The following DLGAP1 variants were observed in gnomAD, a reference collection of about 807,000 sequenced individuals.
DLGAP1 encodes disks large-associated protein 1.
A neutral mutation model predicts 90.8 loss-of-function variants in DLGAP1; 11 were observed. The observed-to-expected ratio is 0.12, with a 90% CI of 0.08 to 0.20. The LOEUF (loss-of-function observed/expected upper bound fraction) is 0.20, where lower values mean the gene tolerates loss of function less well. Among genes scored for constraint, DLGAP1 ranks in the 10% least tolerant of loss-of-function variants. The pLI is 1.00. For missense variants in DLGAP1, 1,050 were observed against 1,333.8 expected, an observed-to-expected ratio of 0.79 and a Z score of 3.31; for synonymous variants, 558 against 540.7, an observed-to-expected ratio of 1.03 and a Z score of -0.44.
At position 4,393,840 on chromosome 18, in the gene DLGAP1, A is replaced by C. The variant is rs568791063; in HGVS notation, c.-267+61166T>G. Among the ~76,000 whole-genome samples the C allele has an allele frequency of 1.1e-4, 16 of 152,274 alleles. No homozygotes were observed. The East Asian group carries it at 3.1e-3, about 30-fold the overall frequency. On this transcript the variant is annotated intron_variant, in intron 1 of 12. Coordinates refer to ENST00000315677, the MANE Select transcript of DLGAP1 (RefSeq NM_004746.4). ...CATCAGGCATTAGATTCTCATAAGA[A>C]GCGTTCAACCTAGATCCCTCGCATG...
chr18:4,002,273 A>T lies in DLGAP1; in HGVS notation c.-73+2843T>A, dbSNP rs138710368. Among the ~76,000 whole-genome samples the T allele has an allele frequency of 8.8e-3, 1,340 of 152,258 alleles. 15 individuals are homozygous for T. The highest frequency in any genetic ancestry group is 0.031 in the African/African-American group (1,284 of 41,556). ...TCTATTTCTGTTGTACTTTATTAGT[A>T]AGCATCTACCTGCCTGTCTATGTTA... On this transcript the variant is annotated intron_variant, in intron 3 of 12. Coordinates refer to ENST00000315677, the MANE Select transcript of DLGAP1 (RefSeq NM_004746.4).
chr18:3,559,741 G>A (rs1445045595), intron 9 of DLGAP1, among the ~76,000 whole-genome samples: 3 of 150,558 alleles, frequency 2.0e-5, no homozygotes, highest in African/African-American at 4.9e-5. Flanking sequence ...TTCTCCCTCA[G>A]CCTCCCGAGT....
At chr18:3,509,620 C>T (rs2050428325) in intron 10 of DLGAP1, among the ~76,000 whole-genome samples, 1 of 152,196 alleles carries the variant, frequency 6.6e-6, no homozygotes, top group East Asian at 1.9e-4. Flanking sequence ...GAGCACTTGC[C>T]TCTCTGGAAA....
At chr18:4,181,639 G>T (rs566490945) in intron 1 of DLGAP1, among the ~76,000 whole-genome samples, 1 of 152,058 alleles carries the variant, frequency 6.6e-6, no homozygotes, top group Admixed American at 6.6e-5. Context: ...ATATCTGGAC[G>T]ACAATCAACC....
At chr18:3,720,888 C>CAAAATAAAAAAAAAAA (rs2061949188) in intron 7 of DLGAP1, among the ~76,000 whole-genome samples, 1 of 50,312 alleles carries the variant, frequency 2.0e-5, no homozygotes. Context: ...CTTGTCTCTA[C>CAAAATAAAAAAAAAAA]AAAAAAAAAA....
intron 1 of DLGAP1, among the ~76,000 whole-genome samples, chr18:4,409,448 C>CT (rs2082730858): frequency 6.6e-6 from 1 of 152,124 alleles, no homozygotes; most frequent in Non-Finnish European, 1.5e-5. Context: ...CTTCTTATCT[C>CT]TATCACAGAA....
At chr18:4,065,025 T>C (rs1001582372) in intron 2 of DLGAP1, among the ~76,000 whole-genome samples, 1 of 152,104 alleles carries the variant, frequency 6.6e-6, no homozygotes. Flanking sequence ...TGGCTTAACA[T>C]ATGCAAATCA....
At chr18:3,767,111 G>C (rs775554501) in intron 5 of DLGAP1, among the ~76,000 whole-genome samples, 5 of 152,162 alleles carry the variant, frequency 3.3e-5, no homozygotes, top group Middle Eastern at 3.4e-3. Flanking sequence ...CAGGTATAAA[G>C]GGATACTATG....
chr18:3,880,031 C>T lies in DLGAP1; in HGVS notation c.38G>A (p.Gly13Glu), dbSNP rs776239442. 28 of 1,606,436 alleles carry T rather than the reference C, an allele frequency of 1.7e-5. No individual in the cohort carries two copies. The highest frequency in any genetic ancestry group is 1.9e-4 in the Middle Eastern group (1 of 5,230). ...GTCACAGGCCGAGTCGCAGGTGACCCCGTGGTGATGGCTGCGGCTGCCTGA... is the reference window on the plus strand; with the variant it reads ...GTCACAGGCCGAGTCGCAGGTGACCTCGTGGTGATGGCTGCGGCTGCCTGA... ...GLSGSRSHHH[G>E]VTCDSACDSL... Residue 13 changes from glycine to glutamate, a missense_variant, in exon 4 of 13, where the codon GGG becomes GAG. Gly to Glu is a moderately conservative substitution (Grantham distance 98). Coordinates refer to ENST00000315677, the MANE Select transcript of DLGAP1 (RefSeq NM_004746.4).
chr18:4,420,729 A>G (rs946230496), intron 1 of DLGAP1, among the ~76,000 whole-genome samples: 69 of 152,310 alleles, frequency 4.5e-4, no homozygotes, highest in East Asian at 3.9e-4. Flanking sequence ...TGGATAGTTT[A>G]TTGGCACCTC....
intron 6 of DLGAP1, among the ~76,000 whole-genome samples, chr18:3,741,224 A>C (rs2062994041): frequency 1.1e-5 from 1 of 93,500 alleles, no homozygotes. Context: ...CCACCACATC[A>C]CCATCACCAC....
chr18:3,576,006 T>C (rs2055104162), intron 8 of DLGAP1, among the ~76,000 whole-genome samples: 1 of 152,316 alleles, frequency 6.6e-6, no homozygotes. Flanking sequence ...ATTTATTTAT[T>C]ATATCAGACA....
chr18:3,659,394 TACACACACACACACACACACAC>T (rs71366699), intron 7 of DLGAP1, among the ~76,000 whole-genome samples: 28 of 102,124 alleles, frequency 2.7e-4, no homozygotes, highest in Non-Finnish European at 4.6e-4. Flanking sequence ...CATACATTTA[TACACACACACACACACACACAC>T]ACACACACAC....
At position 3,880,110 on chromosome 18, in the gene DLGAP1, G is replaced by A; in HGVS notation, c.-42C>T. The stretch of plus-strand genomic sequence containing the variant: ...CCGCCAGGGTCATGGACACCCGGAA[G>A]TCAGGCTCCAGACCCGTCTTGGGCA... On this transcript the variant is annotated 5_prime_UTR_variant, in exon 4 of 13. Coordinates refer to ENST00000315677, the MANE Select transcript of DLGAP1 (RefSeq NM_004746.4). The A allele has an allele frequency of 6.3e-7, 1 of 1,577,830 alleles. No homozygotes were observed. The highest frequency in any genetic ancestry group is 8.6e-7 in the Non-Finnish European group (1 of 1,163,140).
chr18:3,943,959 C>T (rs1371555603), intron 3 of DLGAP1, among the ~76,000 whole-genome samples: 3 of 152,262 alleles, frequency 2.0e-5, no homozygotes, highest in Admixed American at 1.3e-4. Context: ...CAACTCAACC[C>T]TGTGAACGCC....
Position 4,450,202 on chromosome 18 carries a change from G to T in DLGAP1, c.-267+4804C>A, listed in dbSNP as rs2144902830. Reference sequence around the variant, plus strand: ...GAAACTGCAGCATGTGTTTTGTAAAGAAATCTTAGTGATATCTAGCAGGGA... The same window carrying T: ...GAAACTGCAGCATGTGTTTTGTAAATAAATCTTAGTGATATCTAGCAGGGA... On this transcript the variant is annotated intron_variant, in intron 1 of 12. Transcript: ENST00000315677. Among the ~76,000 whole-genome samples the T allele has an allele frequency of 1.3e-5, 2 of 152,262 alleles. 1 individual carries two copies. The highest frequency in any genetic ancestry group is 4.1e-4 in the South Asian group (2 of 4,830).
intron 7 of DLGAP1, among the ~76,000 whole-genome samples, chr18:3,650,366 A>G (rs751042230): frequency 1.3e-5 from 2 of 152,096 alleles, no homozygotes; most frequent in African/African-American, 2.4e-5. Context: ...TTTCATAGGA[A>G]TATTTTGGCT....
At chr18:4,170,228 T>C (rs1319139102) in intron 1 of DLGAP1, among the ~76,000 whole-genome samples, 1 of 152,116 alleles carries the variant, frequency 6.6e-6, no homozygotes, top group African/African-American at 2.4e-5. Context: ...ACGTTGGGCA[T>C]GAAAGAGGAG....
chr18:4,333,332 T>C (rs1005634223), intron 1 of DLGAP1, among the ~76,000 whole-genome samples: 5 of 151,912 alleles, frequency 3.3e-5, no homozygotes, highest in African/African-American at 9.7e-5. Context: ...CCTGTGCTTC[T>C]TCCCATGGGT....
Sources: gnomAD v4.1 joint callset for allele counts (sites outside exome capture counted in the v4.1 genomes callset) on GRCh38, gnomAD v4.1.1 for gene constraint, MANE v1.5 for transcripts, NCBI Gene and HGNC (gene_info 2026-07-23, HGNC 2026-07-21) for gene names.